SLC41A2: variants seen among roughly 807,000 people sequenced by gnomAD.
The protein encoded by SLC41A2 is solute carrier family 41 member 2.
SLC41A2 carries 32 observed loss-of-function variants against 58.3 expected under a neutral mutation model. That is an observed-to-expected ratio of 0.55 (90% confidence interval 0.41 to 0.74). The LOEUF is 0.74. Among genes scored for constraint, SLC41A2 ranks in the 30% least tolerant of loss-of-function variants. The pLI, the probability that SLC41A2 is intolerant of heterozygous loss-of-function variation, is 0.00. For missense variants in SLC41A2, 514 were observed against 680.6 expected, an observed-to-expected ratio of 0.76 and a Z score of 2.72; for synonymous variants, 190 against 235.0, an observed-to-expected ratio of 0.81 and a Z score of 1.75.
At position 104,928,216 on chromosome 12, in the gene SLC41A2, G is replaced by A. The variant is rs2046920911; in HGVS notation, c.312C>T (p.Ser104=). The change falls in exon 2 of 11, where the codon AGC becomes AGT. Residue 104 remains serine, a synonymous_variant. Coordinates refer to ENST00000258538, the MANE Select transcript of SLC41A2 (RefSeq NM_001352171.3). ...CATAGTCATCATACTTTTGGCTGCA[G>A]CTTGATGATGCGTGCCCATTATTGG... is the stretch of plus-strand genomic sequence containing the variant. ...FHANNGHASS[S]CSQKYDDYAN... is the part of the protein sequence containing the mutation. 1.2e-6 allele frequency: 2 copies of A among 1,614,038 alleles called. No homozygotes were observed. The highest frequency in any genetic ancestry group is 1.1e-5 in the South Asian group (1 of 91,080).
At chr12:104,827,622 T>A (rs1402584827) in intron 10 of SLC41A2, among the ~76,000 whole-genome samples, 6 of 152,168 alleles carry the variant, frequency 3.9e-5, no homozygotes. Context: ...AACCCATGTA[T>A]ACTTAACCTT....
chr12:104,844,374 T>C, intron 10 of SLC41A2, 98 bp downstream of exon 10: 1 of 816,038 alleles, frequency 1.2e-6, no homozygotes, highest in Non-Finnish European at 1.7e-6. Flanking sequence ...AGTTGATTTT[T>C]GAAATGGTAA....
At chr12:104,815,115 G>A (rs367689309) in intron 10 of SLC41A2, among the ~76,000 whole-genome samples, 13 of 152,186 alleles carry the variant, frequency 8.5e-5, no homozygotes, top group East Asian at 5.8e-4. Flanking sequence ...TAGTTCAAGC[G>A]GGTTTAAATT....
At chr12:104,882,053 C>T (rs1176981179) in intron 6 of SLC41A2, among the ~76,000 whole-genome samples, 5 of 152,010 alleles carry the variant, frequency 3.3e-5, no homozygotes, top group African/African-American at 1.2e-4. Flanking sequence ...TGAATTGATC[C>T]CTTTACCATT....
At chr12:104,876,535 G>A (rs75512589) in intron 6 of SLC41A2, among the ~76,000 whole-genome samples, 5,731 of 152,010 alleles carry the variant, frequency 0.038, 152 homozygotes, top group East Asian at 0.1. Flanking sequence ...TCAGGAGCAT[G>A]ATGTTTAATT....
chr12:104,955,711 A>C (rs2048139364), intron 1 of SLC41A2, among the ~76,000 whole-genome samples: 1 of 152,030 alleles, frequency 6.6e-6, no homozygotes, highest in African/African-American at 2.4e-5. Flanking sequence ...ATCAGTGGAA[A>C]ATTGAGTTTG....
chr12:104,869,414 A>G (rs2043645572), intron 6 of SLC41A2, among the ~76,000 whole-genome samples: 2 of 152,234 alleles, frequency 1.3e-5, no homozygotes, highest in South Asian at 4.1e-4. Flanking sequence ...GAGAGAGAAC[A>G]AAAGATAAAG....
chr12:104,951,188 T>C (rs2047937512), intron 1 of SLC41A2, among the ~76,000 whole-genome samples: 1 of 152,212 alleles, frequency 6.6e-6, no homozygotes, highest in Non-Finnish European at 1.5e-5. Context: ...TACATTGCAA[T>C]GAAAATGAAT....
At chr12:104,928,830 T>C (rs958386559) in intron 1 of SLC41A2, 136 bp from the exon 2 acceptor site, 13 of 206,598 alleles carry the variant, frequency 6.3e-5, no homozygotes, top group Non-Finnish European at 9.6e-5. Context: ...CTATACTTTG[T>C]GGGCTTAAAA....
chr12:104,856,994 T>C (rs116809775), intron 8 of SLC41A2, among the ~76,000 whole-genome samples: 1,908 of 152,314 alleles, frequency 0.013, 54 homozygotes, highest in African/African-American at 0.044. Context: ...TTTTAGTCTC[T>C]TTTTAAAAAT....
In SLC41A2 at chr12:104,928,347, C is replaced by T. The variant is rs1180922262; in HGVS notation, c.181G>A (p.Ala61Thr). Residue 61 changes from alanine (A) to threonine (T), a missense_variant, in exon 2 of 11, where the codon GCA becomes ACA. Ala to Thr is a moderately conservative substitution (Grantham distance 58). This residue lies in a region of SLC41A2 where 336 missense variants were observed against 430.0 expected (regional missense o/e 0.78). Transcript: ENST00000258538. Reference protein sequence around the residue: ...QKNQEDRHKKANGIWQDGLST... With the variant: ...QKNQEDRHKKTNGIWQDGLST... ...AATCCATCTTGCCAAATGCCGTTTGCTTTTTTGTGCCTGTCTTCTTGGTTT... is the reference window on the plus strand; with the variant it reads ...AATCCATCTTGCCAAATGCCGTTTGTTTTTTTGTGCCTGTCTTCTTGGTTT... 4 of 1,609,758 alleles carry T rather than the reference C, an allele frequency of 2.5e-6. No homozygotes were observed. Among genetic ancestry groups the T allele is most frequent in the Admixed American group, 1.7e-5 (1 of 59,348 alleles).
At chr12:104,845,447 G>C (rs1181425929) in intron 9 of SLC41A2, among the ~76,000 whole-genome samples, 1 of 152,146 alleles carries the variant, frequency 6.6e-6, no homozygotes, top group African/African-American at 2.4e-5. Context: ...ATAATGCACT[G>C]TTCCTTGAAA....
At chr12:104,950,070 T>G (rs534949279) in intron 1 of SLC41A2, among the ~76,000 whole-genome samples, 1 of 152,294 alleles carries the variant, frequency 6.6e-6, no homozygotes, top group East Asian at 1.9e-4. Context: ...GGGGAAGACA[T>G]GGAATGCCTG....
At chr12:104,892,328 A>AAAAAAAAAAAAAAAAAAAAAAAAAAAAC (rs1272873332) in intron 4 of SLC41A2, among the ~76,000 whole-genome samples, 2 of 126,922 alleles carry the variant, frequency 1.6e-5, no homozygotes, top group African/African-American at 7.4e-5. Flanking sequence ...AAATAAAATA[A>AAAAAAAAAAAAAAAAAAAAAAAAAAAAC]AATAAAATAT....
intron 10 of SLC41A2, among the ~76,000 whole-genome samples, chr12:104,807,205 C>A (rs935519747): frequency 6.6e-6 from 1 of 152,190 alleles, no homozygotes; most frequent in African/African-American, 2.4e-5. Flanking sequence ...TTAGGTCTAA[C>A]ATTTAAGTCT....
intron 10 of SLC41A2, among the ~76,000 whole-genome samples, chr12:104,820,930 C>T (rs751596704): frequency 9.9e-5 from 15 of 151,978 alleles, no homozygotes; most frequent in Admixed American, 3.9e-4. Context: ...CAGGCATGAG[C>T]CACTGTGCCC....
At chr12:104,870,085 A>G (rs2043688576) in intron 6 of SLC41A2, among the ~76,000 whole-genome samples, 1 of 152,254 alleles carries the variant, frequency 6.6e-6, no homozygotes, top group Non-Finnish European at 1.5e-5. Flanking sequence ...GGGGCTTTGT[A>G]GAAATGATTA....
chr12:104,950,161 A>G (rs1593196672), intron 1 of SLC41A2, among the ~76,000 whole-genome samples: 1 of 152,282 alleles, frequency 6.6e-6, no homozygotes, highest in East Asian at 1.9e-4. Context: ...TTATTCATTT[A>G]TTTTAATTTT....
intron 3 of SLC41A2, among the ~76,000 whole-genome samples, chr12:104,905,836 CG>C (rs2045819427): frequency 6.6e-6 from 1 of 152,264 alleles, no homozygotes. Flanking sequence ...CACGCCCACC[CG>C]GAACTCCAGC....
Sources: gnomAD v4.1 joint callset for allele counts (sites outside exome capture counted in the v4.1 genomes callset) on GRCh38, gnomAD v4.1.1 for gene constraint, gnomAD v4.1.1 regional missense constraint, MANE v1.5 for transcripts, NCBI Gene and HGNC (gene_info 2026-07-23, HGNC 2026-07-21) for gene names.